The following ABTB3 variants were observed in gnomAD, a reference collection of about 807,000 sequenced individuals.
ABTB3 encodes ankyrin repeat and BTB domain containing 3, also known as ankyrin repeat- and BTB/POZ domain-containing protein 3.
chr12:107,354,699 C>A, the ABTB3 span, among the ~76,000 whole-genome samples: 1 of 152,132 alleles, frequency 6.6e-6, no homozygotes, highest in Non-Finnish European at 1.5e-5. Flanking sequence ...GCGGTTGCAC[C>A]TTTTACAGTC....
At chr12:107,614,974 C>A in the ABTB3 span, 2 of 1,116,782 alleles carry the variant, frequency 1.8e-6, no homozygotes, top group African/African-American at 1.5e-5. Context: ...CATCTCTAGC[C>A]CATGTGCCCA....
At chr12:107,377,187 G>A in the ABTB3 span, among the ~76,000 whole-genome samples, 14 of 152,236 alleles carry the variant, frequency 9.2e-5, no homozygotes, top group South Asian at 1.7e-3. Context: ...CATGTCCAGG[G>A]ACTGATTGAT....
chr12:107,622,102 C>T, the ABTB3 span, among the ~76,000 whole-genome samples: 33 of 152,106 alleles, frequency 2.2e-4, no homozygotes, highest in African/African-American at 7.2e-4. Flanking sequence ...AATAGCTGGG[C>T]GTGGTCGTGT....
chr12:107,353,011 T>C, the ABTB3 span, among the ~76,000 whole-genome samples: 6 of 152,202 alleles, frequency 3.9e-5, no homozygotes, highest in African/African-American at 7.2e-5. Flanking sequence ...AGAGTTAGGT[T>C]TGATTGCCAG....
chr12:107,339,726 A>AT, the ABTB3 span, among the ~76,000 whole-genome samples: 1 of 151,988 alleles, frequency 6.6e-6, no homozygotes, highest in African/African-American at 2.4e-5. Context: ...GCATGTGCCT[A>AT]TATCAACTCA....
At chr12:107,390,495 T>C in the ABTB3 span, among the ~76,000 whole-genome samples, 2 of 152,200 alleles carry the variant, frequency 1.3e-5, no homozygotes, top group Non-Finnish European at 2.9e-5. Flanking sequence ...TCAACTCTTA[T>C]TAAACAAGCC....
chr12:107,445,353 G>T, the ABTB3 span, among the ~76,000 whole-genome samples: 1 of 152,172 alleles, frequency 6.6e-6, no homozygotes, highest in Non-Finnish European at 1.5e-5. Context: ...CCTACCATAT[G>T]CCAGGCACAC....
the ABTB3 span, among the ~76,000 whole-genome samples, chr12:107,588,211 C>A: frequency 6.6e-6 from 1 of 152,294 alleles, no homozygotes; most frequent in Non-Finnish European, 1.5e-5. Context: ...ATTATATCTG[C>A]AAAGACCCTA....
chr12:107,402,359 A>G, the ABTB3 span, among the ~76,000 whole-genome samples: 5 of 152,158 alleles, frequency 3.3e-5, no homozygotes, highest in African/African-American at 1.2e-4. Context: ...CAGATTCCAA[A>G]TCTGGCTTGA....
the ABTB3 span, among the ~76,000 whole-genome samples, chr12:107,502,619 A>G: frequency 6.6e-6 from 1 of 152,156 alleles, no homozygotes; most frequent in African/African-American, 2.4e-5. Context: ...AGACTGGTAC[A>G]GGTCTGTGGC....
At chr12:107,436,607 C>T in the ABTB3 span, among the ~76,000 whole-genome samples, 1 of 152,312 alleles carries the variant, frequency 6.6e-6, no homozygotes, top group East Asian at 1.9e-4. Context: ...GAATGGTTAT[C>T]CTGCTTGCTA....
chr12:107,560,167 C>T, the ABTB3 span, among the ~76,000 whole-genome samples: 30 of 152,242 alleles, frequency 2.0e-4, no homozygotes, highest in East Asian at 5.8e-3. Context: ...TGTGACTGTA[C>T]CGTAATTTGC....
At chr12:107,451,379 C>T in the ABTB3 span, among the ~76,000 whole-genome samples, 1 of 152,248 alleles carries the variant, frequency 6.6e-6, no homozygotes, top group South Asian at 2.1e-4. Flanking sequence ...ACCCTGCAAC[C>T]CTCTGCTGCG....
At chr12:107,340,784 T>G in the ABTB3 span, among the ~76,000 whole-genome samples, 28 of 152,176 alleles carry the variant, frequency 1.8e-4, no homozygotes, top group African/African-American at 6.8e-4. Context: ...TCTCCCAGGA[T>G]GGAGCCCTTT....
the ABTB3 span, among the ~76,000 whole-genome samples, chr12:107,596,313 C>T: frequency 6.6e-6 from 1 of 152,202 alleles, no homozygotes; most frequent in Non-Finnish European, 1.5e-5. Flanking sequence ...GTATGCCACA[C>T]ATAAAAGTTT....
the ABTB3 span, among the ~76,000 whole-genome samples, chr12:107,512,599 AGTTGTGCC>A: frequency 6.6e-6 from 1 of 152,184 alleles, no homozygotes; most frequent in African/African-American, 2.4e-5. Flanking sequence ...CATGTTCCCT[AGTTGTGCC>A]TGGCAGAAAG....
At chr12:107,372,549 C>T in the ABTB3 span, among the ~76,000 whole-genome samples, 1 of 152,182 alleles carries the variant, frequency 6.6e-6, no homozygotes, top group East Asian at 1.9e-4. Context: ...AAGGTGTCCA[C>T]ATGACTAAAT....
chr12:107,412,402 C>A, the ABTB3 span, among the ~76,000 whole-genome samples: 8 of 152,220 alleles, frequency 5.3e-5, no homozygotes, highest in Admixed American at 2.6e-4. Context: ...ACACATTAGT[C>A]CTGCAAGATT....
chr12:107,395,028 C>A, the ABTB3 span, among the ~76,000 whole-genome samples: 3 of 152,204 alleles, frequency 2.0e-5, no homozygotes, highest in Non-Finnish European at 2.9e-5. Context: ...GCATACCTGG[C>A]CTAGTCCTGT....
Sources: allele counts gnomAD v4.1 joint callset (sites outside exome capture counted in the v4.1 genomes callset), GRCh38; gene constraint gnomAD v4.1.1; transcripts MANE v1.5; gene names NCBI Gene and HGNC (gene_info 2026-07-23, HGNC 2026-07-21).